Variants in MLLT3 observed in about 807,000 individuals in gnomAD.
The protein encoded by MLLT3 is protein AF-9.
In MLLT3, 4 loss-of-function variants were observed where a neutral mutation model predicts 53.2. That is an observed-to-expected ratio of 0.08 (90% CI 0.04 to 0.17). The LOEUF (loss-of-function observed/expected upper bound fraction) is 0.17. Ranked by LOEUF, MLLT3 falls within the 10% of genes least tolerant of loss-of-function variation. The pLI, the probability that MLLT3 is intolerant of heterozygous loss-of-function variation, is 1.00. For synonymous variants in MLLT3, 283 were observed against 230.6 expected (o/e 1.23, Z -2.06); for missense variants, 569 against 684.0 (o/e 0.83, Z 1.87).
chr9:20,619,295 T>C (rs1453991033), intron 2 of MLLT3, among the ~76,000 whole-genome samples: 11 of 152,104 alleles, frequency 7.2e-5, no homozygotes, highest in Admixed American at 7.2e-4. Context: ...ACAAAGACCA[T>C]CAAATTCAAC....
chr9:20,428,395 T>A (rs148915907), intron 4 of MLLT3, among the ~76,000 whole-genome samples: 15 of 152,052 alleles, frequency 9.9e-5, no homozygotes, highest in African/African-American at 3.4e-4. Context: ...TATGCTAAAA[T>A]TTAAAAACGT....
At chr9:20,587,186 C>CA (rs11393182) in intron 2 of MLLT3, among the ~76,000 whole-genome samples, 39,918 of 105,868 alleles carry the variant, frequency 0.38, 6,053 homozygotes, top group South Asian at 0.5. Context: ...ATAGCTAGGC[C>CA]AAAAAAAAAA....
chr9:20,348,480 C>A (rs906066422), intron 10 of MLLT3, among the ~76,000 whole-genome samples: 1 of 152,170 alleles, frequency 6.6e-6, no homozygotes, highest in Non-Finnish European at 1.5e-5. Context: ...ATTAAGAAGA[C>A]GAATACAGCT....
At chr9:20,426,332 C>T (rs1341656778) in intron 4 of MLLT3, among the ~76,000 whole-genome samples, 1 of 152,034 alleles carries the variant, frequency 6.6e-6, no homozygotes, top group Non-Finnish European at 1.5e-5. Flanking sequence ...AACACATTGG[C>T]CAGATCATTC....
At chr9:20,518,510 A>C (rs1817973598) in intron 2 of MLLT3, among the ~76,000 whole-genome samples, 1 of 152,244 alleles carries the variant, frequency 6.6e-6, no homozygotes, top group African/African-American at 2.4e-5. Context: ...ATAAGTGGGC[A>C]AAATTTTAAG....
At chr9:20,389,731 G>A (rs915417364) in intron 5 of MLLT3, among the ~76,000 whole-genome samples, 1 of 152,072 alleles carries the variant, frequency 6.6e-6, no homozygotes, top group African/African-American at 2.4e-5. Context: ...AGTGTGCTAC[G>A]ACCACACCGC....
chr9:20,484,085 A>G (rs943438915), intron 2 of MLLT3, among the ~76,000 whole-genome samples: 2 of 151,916 alleles, frequency 1.3e-5, no homozygotes, highest in African/African-American at 4.8e-5. Flanking sequence ...AGATCTTAAA[A>G]TATATAAAAT....
intron 2 of MLLT3, among the ~76,000 whole-genome samples, chr9:20,500,527 G>C (rs1825196103): frequency 6.6e-6 from 1 of 152,148 alleles, no homozygotes; most frequent in Admixed American, 6.5e-5. Context: ...AAGAGCATGT[G>C]GGTGAAAGAT....
intron 2 of MLLT3, among the ~76,000 whole-genome samples, chr9:20,557,866 T>C (rs1819102948): frequency 6.6e-6 from 1 of 152,312 alleles, no homozygotes; most frequent in East Asian, 1.9e-4. Context: ...GGTCACACTT[T>C]CTATTCCCAG....
intron 5 of MLLT3, among the ~76,000 whole-genome samples, chr9:20,384,353 C>T (rs1156938281): frequency 3.9e-5 from 6 of 151,980 alleles, no homozygotes; most frequent in South Asian, 2.1e-4. Flanking sequence ...TATTATATAG[C>T]GTCTGGTCAT....
chr9:20,346,609 C>G, intron 10 of MLLT3, 35 bp from the exon 11 acceptor site: 1 of 1,600,208 alleles, frequency 6.2e-7, no homozygotes, highest in East Asian at 2.2e-5. Flanking sequence ...TTGGGCAATA[C>G]GCAGCAAACA....
At chr9:20,449,563 A>G (rs1319280462) in intron 3 of MLLT3, among the ~76,000 whole-genome samples, 3 of 152,246 alleles carry the variant, frequency 2.0e-5, no homozygotes, top group East Asian at 1.9e-4. Context: ...TTTTATTGTT[A>G]TATTACTAAT....
chr9:20,524,000 G>A (rs903968563), intron 2 of MLLT3, among the ~76,000 whole-genome samples: 1 of 151,398 alleles, frequency 6.6e-6, no homozygotes, highest in Non-Finnish European at 1.5e-5. Context: ...GACACACACA[G>A]AGAGATCAAT....
At chr9:20,422,796 T>G (rs191920119) in intron 4 of MLLT3, among the ~76,000 whole-genome samples, 1 of 152,134 alleles carries the variant, frequency 6.6e-6, no homozygotes, top group African/African-American at 2.4e-5. Context: ...CAATATTAAC[T>G]AATCACTTTA....
chr9:20,533,207 T>C, intron 2 of MLLT3: 1 of 319,066 alleles, frequency 3.1e-6, no homozygotes, highest in Non-Finnish European at 6.2e-6. Context: ...TTGACTAAGC[T>C]GGTGGAAGCC....
At chr9:20,562,800 G>C (rs755886458) in intron 2 of MLLT3, among the ~76,000 whole-genome samples, 16 of 152,168 alleles carry the variant, frequency 1.1e-4, no homozygotes, top group Non-Finnish European at 1.5e-4. Flanking sequence ...CCAGAAAAAT[G>C]AAAGTGTTTC....
intron 4 of MLLT3, among the ~76,000 whole-genome samples, chr9:20,438,911 T>C (rs556855670): frequency 6.6e-6 from 1 of 152,282 alleles, no homozygotes; most frequent in South Asian, 2.1e-4. Context: ...GTTTCATGAA[T>C]AGGGATCCTT....
At chr9:20,501,108 T>C (rs979388485) in intron 2 of MLLT3, among the ~76,000 whole-genome samples, 2 of 152,234 alleles carry the variant, frequency 1.3e-5, no homozygotes, top group Admixed American at 6.5e-5. Context: ...ATGGTATCCA[T>C]TCACTAGTTA....
rs566173139 is a variant in MLLT3 at position 20,419,193 on chromosome 9, A to G, written c.421-4768T>C. On this transcript the variant is annotated intron_variant, in intron 4 of 10. Transcript: ENST00000380338. Reference sequence around the variant, plus strand: ...GTATAAAAAATAACTTCTGGAAAAAAATGTTTAATTAAAAACTAAAATTTA... The same window carrying G: ...GTATAAAAAATAACTTCTGGAAAAAGATGTTTAATTAAAAACTAAAATTTA... 7.9e-5 allele frequency among the ~76,000 whole-genome samples: 12 copies of G among 152,354 alleles called. No homozygotes were observed. The South Asian group carries it at 1.7e-3, about 21-fold the overall frequency.
Sources: allele counts gnomAD v4.1 joint callset (sites outside exome capture counted in the v4.1 genomes callset), GRCh38; gene constraint gnomAD v4.1.1; transcripts MANE v1.5; gene names NCBI Gene and HGNC (gene_info 2026-07-23, HGNC 2026-07-21).